Variants in RIT2 observed in about 807,000 individuals in gnomAD.
RIT2 encodes the protein GTP-binding protein Rit2.
A neutral mutation model predicts 23.7 loss-of-function variants in RIT2; 24 were observed. The ratio of observed to expected loss-of-function variants is 1.01; its 90% CI spans 0.73 to 1.43. The LOEUF is 1.43. Among genes scored for constraint, RIT2 ranks in the 40% most tolerant of loss-of-function variants. The probability of loss-of-function intolerance (pLI) is 0.00; values close to 1 mark genes in which losing one functional copy is unlikely to be tolerated. For missense variants in RIT2, 236 were observed against 266.9 expected (o/e 0.88, Z 0.81); for synonymous variants, 107 against 91.1 (o/e 1.17, Z -0.99).
chr18:42,872,743 G>A (rs1403885280), intron 4 of RIT2, among the ~76,000 whole-genome samples: 1 of 152,104 alleles, frequency 6.6e-6, no homozygotes, highest in Non-Finnish European at 1.5e-5. Flanking sequence ...TTAGTAATGG[G>A]ATGTGTGGGC....
rs1177337094 is a variant in RIT2 at position 43,115,431 on chromosome 18, C to G, written c.89G>C (p.Gly30Ala). 2 of 1,613,358 alleles carry G rather than the reference C, an allele frequency of 1.2e-6. No homozygotes were observed. The highest frequency in any genetic ancestry group is 4.5e-5 in the East Asian group (2 of 44,760). The stretch of plus-strand genomic sequence containing the variant: ...TGAAAACTTACCGCTTTTACCAACT[C>G]CCCCTGCTCCCAGCATTACCACCTT... Reference protein sequence around the residue: ...EYKVVMLGAGGVGKSAMTMQF... With the variant: ...EYKVVMLGAGAVGKSAMTMQF... The change falls in exon 1 of 5, where the codon GGA becomes GCA. Residue 30 changes from glycine (G) to alanine (A), a missense_variant. Transcript: ENST00000326695.
intron 3 of RIT2, among the ~76,000 whole-genome samples, chr18:42,965,745 T>C (rs1044603038): frequency 7.2e-4 from 91 of 126,152 alleles, no homozygotes; most frequent in African/African-American, 2.5e-3. Context: ...TTTTTTTTTT[T>C]CAGAATTCTT....
chr18:42,770,551 T>C (rs1913527022), intron 4 of RIT2, among the ~76,000 whole-genome samples: 1 of 152,188 alleles, frequency 6.6e-6, no homozygotes, highest in African/African-American at 2.4e-5. Flanking sequence ...CAGTAGCATC[T>C]AGATTTTGTT....
At chr18:43,089,846 AG>A (rs1913378959) in intron 1 of RIT2, among the ~76,000 whole-genome samples, 1 of 152,124 alleles carries the variant, frequency 6.6e-6, no homozygotes. Context: ...CACATGCAGA[AG>A]GCTAAAAATT....
intron 4 of RIT2, among the ~76,000 whole-genome samples, chr18:42,888,754 T>C (rs1908095322): frequency 1.3e-5 from 2 of 152,056 alleles, no homozygotes; most frequent in African/African-American, 2.4e-5. Context: ...ATCATGTCTA[T>C]TGCACCAACA....
chr18:42,891,665 T>G (rs1908179250), intron 4 of RIT2, among the ~76,000 whole-genome samples: 1 of 152,130 alleles, frequency 6.6e-6, no homozygotes. Flanking sequence ...TGCTGTATAA[T>G]TCAACAATAT....
chr18:42,801,394 G>C lies in RIT2; in HGVS notation c.427-57674C>G, dbSNP rs553270085. Among the ~76,000 whole-genome samples, 84 of 152,248 alleles carry C rather than the reference G, an allele frequency of 5.5e-4. 1 individual carries two copies. The highest frequency in any genetic ancestry group is 1.0e-3 in the Admixed American group (16 of 15,292). ...AGTTACGTATCTATTCTTTGATGTTGAAATTTATTGGAAGGCAGAAAGATC... is the reference window on the plus strand; with the variant it reads ...AGTTACGTATCTATTCTTTGATGTTCAAATTTATTGGAAGGCAGAAAGATC... On this transcript the variant is annotated intron_variant, in intron 4 of 4. Coordinates refer to ENST00000326695, the MANE Select transcript of RIT2 (RefSeq NM_002930.4).
intron 4 of RIT2, among the ~76,000 whole-genome samples, chr18:42,800,015 G>A (rs1905480497): frequency 6.6e-6 from 1 of 152,152 alleles, no homozygotes; most frequent in Non-Finnish European, 1.5e-5. Context: ...GCTCCATAAA[G>A]TTACAGAATG....
intron 4 of RIT2, among the ~76,000 whole-genome samples, chr18:42,887,939 G>T (rs1207426323): frequency 6.6e-6 from 1 of 152,088 alleles, no homozygotes; most frequent in African/African-American, 2.4e-5. Flanking sequence ...TTCTAACTAT[G>T]TAACATTCTA....
chr18:42,811,663 A>G (rs1417598398), intron 4 of RIT2, among the ~76,000 whole-genome samples: 1 of 152,126 alleles, frequency 6.6e-6, no homozygotes, highest in Non-Finnish European at 1.5e-5. Flanking sequence ...ACATATTGTC[A>G]TGGCTTAGTT....
At chr18:42,976,085 C>T (rs546273110) in intron 2 of RIT2, among the ~76,000 whole-genome samples, 2 of 152,024 alleles carry the variant, frequency 1.3e-5, no homozygotes, top group South Asian at 4.1e-4. Flanking sequence ...TAAATCTTTC[C>T]GTTTTCTTTC....
At chr18:42,839,670 A>T (rs1447272659) in intron 4 of RIT2, among the ~76,000 whole-genome samples, 1 of 152,240 alleles carries the variant, frequency 6.6e-6, no homozygotes, top group East Asian at 1.9e-4. Context: ...ATTATGTAGC[A>T]TCTACCATTT....
intron 4 of RIT2, among the ~76,000 whole-genome samples, chr18:42,816,655 G>A (rs1340897966): frequency 6.6e-6 from 1 of 152,028 alleles, no homozygotes; most frequent in East Asian, 1.9e-4. Context: ...ATAACACAAT[G>A]TAAACAGCAA....
chr18:42,812,757 T>C (rs1162429057), intron 4 of RIT2, among the ~76,000 whole-genome samples: 1 of 152,150 alleles, frequency 6.6e-6, no homozygotes, highest in Non-Finnish European at 1.5e-5. Flanking sequence ...TTCATGCTGA[T>C]TGGATAGACT....
rs564234646 is a variant in RIT2 at position 43,068,083 on chromosome 18, A to G, written c.104-34216T>C. On this transcript the variant is annotated intron_variant, in intron 1 of 4. Coordinates refer to ENST00000326695, the MANE Select transcript of RIT2 (RefSeq NM_002930.4). ...ATTTGGGTAAATGCTATGACCTGGA[A>G]ATACAATTGTAAGATTCAACAACTT... Among the ~76,000 whole-genome samples the G allele has an allele frequency of 2.6e-5, 4 of 152,320 alleles. No homozygotes were observed. The South Asian group carries it at 8.3e-4, about 32-fold the overall frequency.
At chr18:43,085,338 G>GT (rs941751559) in intron 1 of RIT2, among the ~76,000 whole-genome samples, 8 of 151,858 alleles carry the variant, frequency 5.3e-5, no homozygotes, top group African/African-American at 7.2e-5. Context: ...ACCTTATTGG[G>GT]TTTTTTTGTA....
intron 4 of RIT2, among the ~76,000 whole-genome samples, chr18:42,794,349 T>C (rs1914107850): frequency 6.6e-6 from 1 of 152,248 alleles, no homozygotes; most frequent in Non-Finnish European, 1.5e-5. Flanking sequence ...ATCTTCATTT[T>C]TAAAGTAGGC....
rs1045504204 is a variant in RIT2 at position 42,889,733 on chromosome 18, A to G, written c.426+33839T>C. Among the ~76,000 whole-genome samples the G allele has an allele frequency of 3.3e-5, 5 of 152,278 alleles. 1 individual carries two copies. Among genetic ancestry groups the G allele is most frequent in the Admixed American group, 1.3e-4 (2 of 15,280 alleles). ...GTATACCGCCATCAAACATTTATAC[A>G]TATAATCACAGAAGATAAACATACA... On this transcript the variant is annotated intron_variant, in intron 4 of 4. Transcript: ENST00000326695.
intron 2 of RIT2, among the ~76,000 whole-genome samples, chr18:42,996,399 T>G (rs113939802): frequency 0.12 from 18,185 of 152,148 alleles, 1,444 homozygotes; most frequent in East Asian, 0.41. Context: ...AAGACAGGAA[T>G]GTCAGGTTTC....
Sources: allele counts gnomAD v4.1 joint callset (sites outside exome capture counted in the v4.1 genomes callset), GRCh38; gene constraint gnomAD v4.1.1; transcripts MANE v1.5; gene names NCBI Gene and HGNC (gene_info 2026-07-23, HGNC 2026-07-21).